SLC17A4: variants seen among roughly 807,000 people sequenced by gnomAD.
SLC17A4 encodes the protein probable small intestine urate exporter.
Under a neutral mutation model 52.5 loss-of-function variants are expected in SLC17A4, and 33 were observed. That is an observed-to-expected ratio of 0.63 (90% CI 0.48 to 0.84). The LOEUF (loss-of-function observed/expected upper bound fraction) is 0.84, where lower values mean the gene tolerates loss of function less well. Ranked by LOEUF, SLC17A4 falls within the 40% of genes least tolerant of loss-of-function variation. The pLI is 0.00. For missense variants in SLC17A4, 585 were observed against 597.1 expected (o/e 0.98, Z 0.21); for synonymous variants, 225 against 216.2 (o/e 1.04, Z -0.36).
At chr6:25,756,396 T>TA (rs1761018130) in intron 1 of SLC17A4, among the ~76,000 whole-genome samples, 1 of 152,196 alleles carries the variant, frequency 6.6e-6, no homozygotes, top group African/African-American at 2.4e-5. Context: ...GGTAAGTGGT[T>TA]AGACTAGGCA....
intron 2 of SLC17A4, among the ~76,000 whole-genome samples, chr6:25,763,615 G>A (rs188456483): frequency 5.6e-4 from 86 of 152,258 alleles, no homozygotes; most frequent in Middle Eastern, 3.4e-3. Flanking sequence ...AAGACACTCA[G>A]TGAGCTGAAT....
chr6:25,755,084 G>A (rs1401650214), intron 1 of SLC17A4, among the ~76,000 whole-genome samples: 1 of 137,940 alleles, frequency 7.2e-6, no homozygotes, highest in East Asian at 2.5e-4. Context: ...CACACACACA[G>A]AGGAAGAAAG....
At position 25,770,987 on chromosome 6, in the gene SLC17A4, A is replaced by G; in HGVS notation, c.681A>G (p.Gly227=). ...GTGGTCTCCTCTGCCAGACCATAGGATGGCCTTACGTCTTCTATATCTTTG... is the reference window on the plus strand; with the variant it reads ...GTGGTCTCCTCTGCCAGACCATAGGGTGGCCTTACGTCTTCTATATCTTTG... The part of the protein sequence containing the change: ...LAGGLLCQTI[G]WPYVFYIFGG... The change falls in exon 6 of 12, where the codon GGA becomes GGG. Residue 227 remains glycine, a synonymous_variant. Coordinates refer to ENST00000377905, the MANE Select transcript of SLC17A4 (RefSeq NM_005495.3). The G allele has an allele frequency of 9.3e-6, 15 of 1,613,774 alleles. No homozygotes were observed. Among genetic ancestry groups the G allele is most frequent in the Non-Finnish European group, 1.3e-5 (15 of 1,179,736 alleles).
chr6:25,755,250 G>T (rs1011433924), intron 1 of SLC17A4, among the ~76,000 whole-genome samples: 8 of 152,118 alleles, frequency 5.3e-5, no homozygotes, highest in African/African-American at 1.9e-4. Flanking sequence ...AAAAATTAAT[G>T]AAAACCAAAC....
intron 1 of SLC17A4, among the ~76,000 whole-genome samples, chr6:25,760,792 T>C (rs2151421099): frequency 6.6e-6 from 1 of 152,328 alleles, no homozygotes; most frequent in African/African-American, 2.4e-5. Flanking sequence ...GTATTTCAAG[T>C]AGTATCTTTC....
At chr6:25,775,208 T>C (rs1762803927) in intron 8 of SLC17A4, among the ~76,000 whole-genome samples, 2 of 151,976 alleles carry the variant, frequency 1.3e-5, no homozygotes, top group Admixed American at 6.6e-5. Flanking sequence ...GGCATCTGCC[T>C]GTAGTCCCAG....
intron 11 of SLC17A4, 96 bp from the exon 12 acceptor site, chr6:25,778,958 G>A (rs1449660861): frequency 1.7e-5 from 26 of 1,504,934 alleles, no homozygotes; most frequent in African/African-American, 2.8e-5. Flanking sequence ...AGTGGAGGTC[G>A]GGGAGGGAGC....
At position 25,769,052 on chromosome 6, in the gene SLC17A4, A is replaced by C. The variant is rs767178316; in HGVS notation, c.159A>C (p.Gln53His). ...TCTGTAATTTTTCAATTTACACCCA[A>C]CAAATGAACTTGAGCATTGCCATCC... is the stretch of plus-strand genomic sequence containing the variant. ...LQLCNFSIYTQQMNLSIAIPA... is the reference protein window; with the variant it reads ...LQLCNFSIYTHQMNLSIAIPA... Residue 53 changes from glutamine to histidine, a missense_variant, in exon 3 of 12, where the codon CAA becomes CAC. Transcript: ENST00000377905. 1.2e-6 allele frequency: 2 copies of C among 1,614,068 alleles called. No homozygotes were observed. Among genetic ancestry groups the C allele is most frequent in the Non-Finnish European group, 8.5e-7 (1 of 1,180,000 alleles).
At chr6:25,768,133 G>A (rs1455032756) in intron 2 of SLC17A4, among the ~76,000 whole-genome samples, 1 of 152,158 alleles carries the variant, frequency 6.6e-6, no homozygotes, top group Non-Finnish European at 1.5e-5. Flanking sequence ...ATTTTCATGG[G>A]TGGTGCATTG....
intron 4 of SLC17A4, 32 bp downstream of exon 4, chr6:25,770,332 T>A: frequency 6.2e-7 from 1 of 1,613,320 alleles, no homozygotes; most frequent in Non-Finnish European, 8.5e-7. Flanking sequence ...ATAAGTGGAA[T>A]ATAGGTTCCA....
chr6:25,758,334 C>T (rs1312402589), intron 1 of SLC17A4, among the ~76,000 whole-genome samples: 2 of 152,234 alleles, frequency 1.3e-5, no homozygotes, highest in Non-Finnish European at 2.9e-5. Context: ...AAAACATTCT[C>T]ACCTTTTTCA....
intron 1 of SLC17A4, among the ~76,000 whole-genome samples, chr6:25,755,151 A>G (rs1561791391): frequency 6.6e-6 from 1 of 152,168 alleles, no homozygotes; most frequent in African/African-American, 2.4e-5. Flanking sequence ...TGTGAAGTAC[A>G]TTAATTTTTT....
chr6:25,771,755 A>C (rs929879911), intron 6 of SLC17A4, among the ~76,000 whole-genome samples: 1 of 152,180 alleles, frequency 6.6e-6, no homozygotes, highest in Non-Finnish European at 1.5e-5. Context: ...TAGGTAAAAT[A>C]CTAATTAGAG....
intron 5 of SLC17A4, among the ~76,000 whole-genome samples, 187 bp from the exon 6 acceptor site, chr6:25,770,739 A>T (rs1762414425): frequency 6.6e-6 from 1 of 152,226 alleles, no homozygotes. Context: ...CATTTCACAC[A>T]TATGGAATTT....
intron 1 of SLC17A4, among the ~76,000 whole-genome samples, chr6:25,755,433 C>A (rs1276149086): frequency 6.6e-6 from 1 of 152,180 alleles, no homozygotes; most frequent in Non-Finnish European, 1.5e-5. Context: ...GTGCTGAGAC[C>A]ACCTAAGATG....
chr6:25,778,783 G>A (rs1485109441), intron 11 of SLC17A4, among the ~76,000 whole-genome samples: 1 of 152,214 alleles, frequency 6.6e-6, no homozygotes, highest in Non-Finnish European at 1.5e-5. Context: ...GTAATCACTT[G>A]CTTAAAAAGA....
chr6:25,768,300 T>C (rs1762189617), intron 2 of SLC17A4: 1 of 883,782 alleles, frequency 1.1e-6, no homozygotes, highest in Non-Finnish European at 1.4e-6. Context: ...TCTTCATACC[T>C]TGTGATCATA....
chr6:25,761,504 G>A (rs73733697), intron 1 of SLC17A4, among the ~76,000 whole-genome samples: 3,678 of 152,256 alleles, frequency 0.024, 64 homozygotes, highest in Middle Eastern at 0.095. Context: ...ACGTAAAAGG[G>A]TGTTTGCTAT....
intron 8 of SLC17A4, 109 bp downstream of exon 8, chr6:25,773,783 C>T (rs1450717817): frequency 9.1e-7 from 1 of 1,100,974 alleles, no homozygotes; most frequent in African/African-American, 1.6e-5. Context: ...GGGATTAGGA[C>T]CAGGCAGGAC....
Sources: allele counts gnomAD v4.1 joint callset (sites outside exome capture counted in the v4.1 genomes callset), GRCh38; gene constraint gnomAD v4.1.1; transcripts MANE v1.5; gene names NCBI Gene and HGNC (gene_info 2026-07-23, HGNC 2026-07-21).